GATA4: variants seen among roughly 807,000 people sequenced by gnomAD.
GATA4 encodes the protein GATA binding protein 4, also known as transcription factor GATA-4.
Under a neutral mutation model 37.9 loss-of-function variants are expected in GATA4, and 7 were observed. The observed-to-expected ratio is 0.18, with a 90% confidence interval of 0.11 to 0.35. The LOEUF (loss-of-function observed/expected upper bound fraction) is 0.35, where lower values mean the gene tolerates loss of function less well. GATA4 is among the 10% of genes least tolerant of loss of function. The pLI, the probability that GATA4 is intolerant of heterozygous loss-of-function variation, is 1.00. For synonymous variants in GATA4, 372 were observed against 292.6 expected (o/e 1.27, Z -2.77); for missense variants, 647 against 653.0 (o/e 0.99, Z 0.10).
intron 1 of GATA4, chr8:11,694,581 C>A: frequency 1.2e-6 from 1 of 867,452 alleles, no homozygotes; most frequent in Non-Finnish European, 1.4e-6. Flanking sequence ...ATCATGGAAG[C>A]CAAACTGTCT....
intron 1 of GATA4, among the ~76,000 whole-genome samples, chr8:11,695,044 C>T (rs756105399): frequency 5.3e-5 from 8 of 152,210 alleles, no homozygotes; most frequent in Admixed American, 1.3e-4. Flanking sequence ...ACCTTGCGCC[C>T]TGATGGTAGC....
chr8:11,747,257 C>T (rs940073767), intron 2 of GATA4, among the ~76,000 whole-genome samples: 3 of 152,194 alleles, frequency 2.0e-5, no homozygotes, highest in Non-Finnish European at 4.4e-5. Context: ...GTGAGCCAGG[C>T]TTTATAGAGA....
intron 1 of GATA4, among the ~76,000 whole-genome samples, chr8:11,686,570 G>A (rs1203843199): frequency 6.6e-6 from 1 of 152,168 alleles, no homozygotes; most frequent in Non-Finnish European, 1.5e-5. Flanking sequence ...AAGCAAGGCC[G>A]AGACAGGCAC....
chr8:11,738,284 C>T (rs1343902710), intron 2 of GATA4, among the ~76,000 whole-genome samples: 2 of 151,914 alleles, frequency 1.3e-5, no homozygotes, highest in South Asian at 2.1e-4. Context: ...GAAGTCCTTC[C>T]GTGAGCCACC....
intron 1 of GATA4, among the ~76,000 whole-genome samples, chr8:11,693,556 CACACACAGAGAGAGAG>C (rs1378659558): frequency 1.4e-4 from 14 of 103,680 alleles, no homozygotes; most frequent in East Asian, 7.1e-4. Flanking sequence ...CACACACACA[CACACACAGAGAGAGAG>C]AGAGAGAGAG....
rs570710055 is a variant in GATA4 at position 11,706,962 on chromosome 8, G to T, written c.-457-894G>T. Among the ~76,000 whole-genome samples the T allele has an allele frequency of 5.9e-5, 9 of 152,164 alleles. No individual in the cohort carries two copies. In the East Asian group the frequency reaches 1.7e-3, roughly 29 times the overall value. On this transcript the variant is annotated intron_variant, in intron 1 of 6. Transcript: ENST00000532059. Reference sequence around the variant, plus strand: ...AAAAATTGCCTGATAATAACAAAACGCAGGATGCTGGGAAGTATATAATCA... The same window carrying T: ...AAAAATTGCCTGATAATAACAAAACTCAGGATGCTGGGAAGTATATAATCA...
upstream of GATA4, chr8:11,691,994 C>T: frequency 1.0e-6 from 1 of 983,910 alleles, no homozygotes; most frequent in Non-Finnish European, 1.2e-6. Context: ...CTTTAATTCT[C>T]ATTCAGGGAG....
Position 11,723,965 on chromosome 8 carries a change from C to T in GATA4, c.616+15037C>T, listed in dbSNP as rs897621154. ...GTGAAACTCTGTACCCATTAAATAA[C>T]GTCTCCGTATCCCCTTCCCTCCAGC... On this transcript the variant is annotated intron_variant, in intron 2 of 6. Transcript: ENST00000532059. Among the ~76,000 whole-genome samples the T allele has an allele frequency of 4.6e-5, 7 of 152,304 alleles. No homozygotes were observed. In the South Asian group the frequency reaches 6.2e-4, roughly 14 times the overall value.
chr8:11,734,632 A>T (rs896592368), intron 2 of GATA4, among the ~76,000 whole-genome samples: 4 of 152,166 alleles, frequency 2.6e-5, no homozygotes, highest in Non-Finnish European at 5.9e-5. Flanking sequence ...GATTACAGGC[A>T]TGCACCACCA....
intron 2 of GATA4, among the ~76,000 whole-genome samples, chr8:11,723,603 G>A (rs138372119): frequency 9.1e-4 from 139 of 152,282 alleles, no homozygotes; most frequent in African/African-American, 2.5e-3. Context: ...GAGGAATGGC[G>A]TTTGGAGATC....
intron 5 of GATA4, among the ~76,000 whole-genome samples, chr8:11,756,316 G>T (rs1176849309): frequency 3.9e-5 from 6 of 152,164 alleles, no homozygotes; most frequent in Admixed American, 3.9e-4. Context: ...GGAATTTTCA[G>T]TGTCTCACAC....
In GATA4 at chr8:11,756,563, G is replaced by T. The variant is rs561055339; in HGVS notation, c.1001-372G>T. ...TTACTCCATTCAGTATGATATTCAC[G>T]TGTTTTGCTGTGGGGATATTATTGT... On this transcript the variant is annotated intron_variant, in intron 5 of 6. Transcript: ENST00000532059. 2.7e-4 allele frequency: 95 copies of T among 349,892 alleles called. No individual in the cohort carries two copies. The Admixed American group carries it at 3.8e-3, about 14-fold the overall frequency. 21.7% of individuals were successfully genotyped at this position (349,892 alleles called of 1,614,324 possible).
intron 2 of GATA4, among the ~76,000 whole-genome samples, chr8:11,728,836 C>T (rs1187961691): frequency 6.6e-6 from 1 of 152,100 alleles, no homozygotes; most frequent in Non-Finnish European, 1.5e-5. Flanking sequence ...GGTCATAGAC[C>T]CCATATCCAA....
At chr8:11,713,589 G>C (rs1197511530) in intron 2 of GATA4, among the ~76,000 whole-genome samples, 1 of 151,516 alleles carries the variant, frequency 6.6e-6, no homozygotes, top group African/African-American at 2.4e-5. Context: ...AAGTCACTGA[G>C]TGGATGAAAG....
intron 2 of GATA4, among the ~76,000 whole-genome samples, chr8:11,723,095 C>T (rs1800749145): frequency 1.3e-5 from 2 of 152,046 alleles, no homozygotes; most frequent in South Asian, 4.1e-4. Context: ...GCTTGTAATC[C>T]CAGCACTTTG....
intron 2 of GATA4, among the ~76,000 whole-genome samples, chr8:11,710,880 G>C (rs576318250): frequency 2.0e-5 from 3 of 152,266 alleles, no homozygotes; most frequent in South Asian, 4.2e-4. Context: ...CCAGCACTTT[G>C]GGAGGCCGAG....
intron 2 of GATA4, among the ~76,000 whole-genome samples, chr8:11,740,377 G>A (rs1021397891): frequency 1.3e-5 from 2 of 152,224 alleles, no homozygotes; most frequent in African/African-American, 4.8e-5. Context: ...CCTCCCCTCA[G>A]AAGTGTCCCA....
intron 6 of GATA4, 46 bp downstream of exon 6, chr8:11,757,129 A>T: frequency 1.2e-6 from 2 of 1,609,112 alleles, no homozygotes; most frequent in Non-Finnish European, 8.5e-7. Context: ...GGGGAGGCCG[A>T]CTGCAGAGTC....
chr8:11,694,402 T>G, intron 1 of GATA4: 1 of 793,116 alleles, frequency 1.3e-6, no homozygotes, highest in East Asian at 1.3e-4. Flanking sequence ...CTCTGTAAGG[T>G]CAGAGCTGGC....
Sources: gnomAD v4.1 joint callset for allele counts (sites outside exome capture counted in the v4.1 genomes callset) on GRCh38, gnomAD v4.1.1 for gene constraint, MANE v1.5 for transcripts, NCBI Gene and HGNC (gene_info 2026-07-23, HGNC 2026-07-21) for gene names.